Variants in THNSL2 observed in about 807,000 individuals in gnomAD.
The protein encoded by THNSL2 is threonine synthase-like 2.
In THNSL2, 34 loss-of-function variants were observed where a neutral mutation model predicts 40.0. The observed-to-expected ratio is 0.85, with a 90% CI of 0.65 to 1.13. The LOEUF (loss-of-function observed/expected upper bound fraction) is 1.13. Ranked by LOEUF, THNSL2 falls within the 50% of genes most tolerant of loss-of-function variation. The probability of loss-of-function intolerance (pLI) is 0.00; values close to 1 mark genes in which losing one functional copy is unlikely to be tolerated. For missense variants in THNSL2, 537 were observed against 608.8 expected, an observed-to-expected ratio of 0.88 and a Z score of 1.24; for synonymous variants, 241 against 247.5, an observed-to-expected ratio of 0.97 and a Z score of 0.25.
chr2:88,179,059 G>A (rs1448760515), intron 5 of THNSL2, 46 bp downstream of exon 5: 3 of 1,586,688 alleles, frequency 1.9e-6, no homozygotes, highest in Middle Eastern at 3.3e-4. Flanking sequence ...AAAAATGCCT[G>A]TGGCCCCAGT....
intron 4 of THNSL2, 53 bp from the exon 5 acceptor site, chr2:88,178,730 C>G: frequency 6.2e-7 from 1 of 1,603,180 alleles, no homozygotes; most frequent in Non-Finnish European, 8.5e-7. Context: ...GTGCTGACCT[C>G]CTGGGGGTTC....
At position 88,170,419 on chromosome 2, in the gene THNSL2, C is replaced by G. The variant is rs1279398594; in HGVS notation, c.-50C>G. 1.8e-5 allele frequency: 1 copy of G among 54,098 alleles called. No homozygotes were observed. The highest frequency in any genetic ancestry group is 4.2e-5 in the African/African-American group (1 of 23,814). 3.4% of individuals were successfully genotyped at this position (54,098 alleles called of 1,614,324 possible). ...GCCCTGCTGCGCACCGGGCCTCGCG[C>G]CCCGCGCCCCGCGCCCCGCGCCCCG... On this transcript the variant is annotated 5_prime_UTR_variant, in exon 1 of 9. Transcript: ENST00000674334.
At position 88,173,384 on chromosome 2, in the gene THNSL2, C is replaced by G. The variant is rs746855873; in HGVS notation, c.223+11C>G. ...AAGATGAATTAAATGGTGAGTGCTC[C>G]CACCTGTACTTTCACTCTTCCAGCC... is the stretch of plus-strand genomic sequence containing the variant. On this transcript the variant is annotated intron_variant, in intron 2 of 8. Coordinates refer to ENST00000674334, the MANE Select transcript of THNSL2 (RefSeq NM_018271.5). The G allele has an allele frequency of 1.9e-6, 3 of 1,573,548 alleles. No individual in the cohort carries two copies. In the East Asian group the frequency reaches 6.8e-5, roughly 36 times the overall value.
At position 88,173,480 on chromosome 2, in the gene THNSL2, C is replaced by T. The variant is rs1007603568; in HGVS notation, c.223+107C>T. On this transcript the variant is annotated intron_variant, in intron 2 of 8. Coordinates refer to ENST00000674334, the MANE Select transcript of THNSL2 (RefSeq NM_018271.5). ...TAGGAAGTCTCTAGTCACATTTCTT[C>T]TCAAACTTTGTTTTATTTCTTTTCC... is the stretch of plus-strand genomic sequence containing the variant. 3.7e-6 allele frequency: 3 copies of T among 800,934 alleles called. No individual in the cohort carries two copies. The African/African-American group carries it at 5.4e-5, about 14-fold the overall frequency. 49.6% of individuals were successfully genotyped at this position (800,934 alleles called of 1,614,324 possible). A position where few individuals can be genotyped will look rare whatever the true frequency, so the allele number is the denominator to read the frequency against.
In THNSL2 at chr2:88,185,906, G is replaced by A. The variant is rs533962054; in HGVS notation, c.1238G>A (p.Arg413Gln). 31 of 1,602,252 alleles carry A rather than the reference G, an allele frequency of 1.9e-5. No homozygotes were observed. The highest frequency in any genetic ancestry group is 1.8e-4 in the South Asian group (16 of 88,502). The change falls in exon 9 of 9, where the codon CGG (arginine) becomes CAG (glutamine). Residue 413 changes from arginine (R) to glutamine (Q), a missense_variant. Physicochemically the swap from Arg to Gln is conservative, Grantham distance 43. Coordinates refer to ENST00000674334, the MANE Select transcript of THNSL2 (RefSeq NM_018271.5). The part of the protein sequence containing the change: ...QIDRQQPSTP[R>Q]CCLAPASAAK... Reference sequence around the variant, plus strand: ...TGCCCCCATCCCCACAGCACTCCCCGGTGCTGCCTCGCCCCTGCCTCTGCA... The same window carrying A: ...TGCCCCCATCCCCACAGCACTCCCCAGTGCTGCCTCGCCCCTGCCTCTGCA...
In THNSL2 at chr2:88,186,208, G is replaced by A. The variant is rs1474277166; in HGVS notation, c.*85G>A. 8.7e-6 allele frequency: 12 copies of A among 1,371,700 alleles called. No individual in the cohort carries two copies. The highest frequency in any genetic ancestry group is 6.0e-5 in the Admixed American group (3 of 49,674). The allele number at this position is 1,371,700 out of a possible 1,614,324, so 85.0% of individuals were successfully genotyped here. A position where few individuals can be genotyped will look rare whatever the true frequency, so the allele number is the denominator to read the frequency against. On this transcript the variant is annotated 3_prime_UTR_variant, in exon 9 of 9. Coordinates refer to ENST00000674334, the MANE Select transcript of THNSL2 (RefSeq NM_018271.5). ...GCCTTGTGCACCCTCCCCATTAAGC[G>A]TAGGTTAGGAGGTTTCCGGGAGGCT...
At chr2:88,185,251 T>C in intron 7 of THNSL2, 77 bp from the exon 8 acceptor site, 3 of 1,505,604 alleles carry the variant, frequency 2.0e-6, no homozygotes, top group African/African-American at 1.4e-5. Flanking sequence ...TGTGGATCTG[T>C]GGTGGAGAGT....
At chr2:88,185,690 G>C (rs1466661760) in intron 8 of THNSL2, 10 of 1,551,486 alleles carry the variant, frequency 6.4e-6, no homozygotes, top group Non-Finnish European at 8.7e-6. Flanking sequence ...GGTGGTGGCT[G>C]AGCTGGCCTC....
intron 7 of THNSL2, chr2:88,183,765 G>C (rs1042687196): frequency 1.4e-5 from 2 of 147,810 alleles, no homozygotes; most frequent in African/African-American, 5.0e-5. Flanking sequence ...GCAACCTGGT[G>C]ATGGTACTTA....
intron 7 of THNSL2, 156 bp downstream of exon 7, chr2:88,183,229 T>C: frequency 1.0e-6 from 1 of 1,000,468 alleles, no homozygotes; most frequent in Non-Finnish European, 1.4e-6. Flanking sequence ...GAATAATTTA[T>C]TGAATGAGGA....
Position 88,186,340 on chromosome 2 carries a change from C to T in THNSL2, c.*217C>T, listed in dbSNP as rs1024492429. The T allele has an allele frequency of 1.2e-5, 7 of 582,700 alleles. No homozygotes were observed. The East Asian group carries it at 1.7e-4, about 15-fold the overall frequency. The allele number at this position is 582,700 out of a possible 1,614,324, so 36.1% of individuals were successfully genotyped here. On this transcript the variant is annotated 3_prime_UTR_variant, in exon 9 of 9. Transcript: ENST00000674334. Reference sequence around the variant, plus strand: ...GGCTGTGAACAGTTGCCGGAAGCACCCCCTCCCTCCCCGGCCCGTGCAGCA... The same window carrying T: ...GGCTGTGAACAGTTGCCGGAAGCACTCCCTCCCTCCCCGGCCCGTGCAGCA...
chr2:88,173,884 A>C (rs1676631233), intron 2 of THNSL2, among the ~76,000 whole-genome samples: 1 of 152,248 alleles, frequency 6.6e-6, no homozygotes, highest in East Asian at 1.9e-4. Flanking sequence ...GGTAGGAATG[A>C]GAATTCTGCA....
At chr2:88,173,407 G>T (rs377402157) in intron 2 of THNSL2, 34 bp downstream of exon 2, 13 of 1,497,632 alleles carry the variant, frequency 8.7e-6, no homozygotes, top group Non-Finnish European at 1.2e-5. Flanking sequence ...CACTCTTCCA[G>T]CCCCTGCCAG....
Position 88,175,276 on chromosome 2 carries a change from C to CAAT in THNSL2, c.446_447insAAT (p.Ile150dup). ...ACATCTGGGGACACAGGAAGTGCTGCCATTGAGAGTGTTCAAGGGGCAAAG... is the reference window on the plus strand; with the variant it reads ...ACATCTGGGGACACAGGAAGTGCTGCAATCATTGAGAGTGTTCAAGGGGCAAAG... On this transcript the variant is annotated inframe_insertion, in exon 4 of 9. Transcript: ENST00000674334. The CAAT allele has an allele frequency of 1.3e-5, 21 of 1,614,122 alleles. No individual in the cohort carries two copies. The highest frequency in any genetic ancestry group is 1.8e-5 in the Non-Finnish European group (21 of 1,179,998).
intron 7 of THNSL2, chr2:88,183,310 T>C: frequency 2.2e-6 from 1 of 449,274 alleles, no homozygotes; most frequent in Non-Finnish European, 3.8e-6. Flanking sequence ...ATTGGGCTAG[T>C]TTCCTAAACT....
At chr2:88,177,583 G>C (rs1415325369) in intron 4 of THNSL2, among the ~76,000 whole-genome samples, 1 of 152,104 alleles carries the variant, frequency 6.6e-6, no homozygotes, top group Non-Finnish European at 1.5e-5. Flanking sequence ...GGGTGGAGTG[G>C]GCTTCCAGTT....
rs1177345913 is a variant in THNSL2, at chr2:88,186,400, A to C, written c.*277A>C. On this transcript the variant is annotated 3_prime_UTR_variant, in exon 9 of 9. Coordinates refer to ENST00000674334, the MANE Select transcript of THNSL2 (RefSeq NM_018271.5). The stretch of plus-strand genomic sequence containing the variant: ...CTGTAGTGAAAGTTTCAGGGCCTGC[A>C]AAAGAAGAGGCTTGGGCACAGGACT... The C allele has an allele frequency of 6.4e-6, 3 of 470,076 alleles. No homozygotes were observed. The highest frequency in any genetic ancestry group is 7.8e-6 in the Non-Finnish European group (2 of 255,804). The allele number at this position is 470,076 out of a possible 1,614,324, so 29.1% of individuals were successfully genotyped here. A position where few individuals can be genotyped will look rare whatever the true frequency, so the allele number is the denominator to read the frequency against.
intron 5 of THNSL2, among the ~76,000 whole-genome samples, chr2:88,181,069 C>A: frequency 6.6e-6 from 1 of 151,788 alleles, no homozygotes; most frequent in African/African-American, 2.4e-5. Context: ...TGGTGATGCA[C>A]TCCTAGTCAT....
In THNSL2 at chr2:88,173,130, T is replaced by C. The variant is rs1326347809; in HGVS notation, c.-12-9T>C. On this transcript the variant is annotated splice_polypyrimidine_tract_variant and intron_variant, in intron 1 of 8. Coordinates refer to ENST00000674334, the MANE Select transcript of THNSL2 (RefSeq NM_018271.5). The stretch of plus-strand genomic sequence containing the variant: ...AGACCAGGTGCTTCTGGGACTGTCC[T>C]CTCTGCAGGCCTCCAGGATCATGTG... 6.7e-7 allele frequency: 1 copy of C among 1,500,656 alleles called. No homozygotes were observed. The allele number at this position is 1,500,656 out of a possible 1,614,324, so 93.0% of individuals were successfully genotyped here.
Sources: gnomAD v4.1 joint callset for allele counts (sites outside exome capture counted in the v4.1 genomes callset) on GRCh38, gnomAD v4.1.1 for gene constraint, MANE v1.5 for transcripts, NCBI Gene and HGNC (gene_info 2026-07-23, HGNC 2026-07-21) for gene names.